Variants in RASGRF1 observed in about 807,000 individuals in gnomAD.
RASGRF1 encodes the protein ras-specific guanine nucleotide-releasing factor 1.
A neutral mutation model predicts 138.7 loss-of-function variants in RASGRF1; 40 were observed. The observed-to-expected ratio is 0.29, with a 90% CI of 0.22 to 0.38. The LOEUF is 0.38. Among genes scored for constraint, RASGRF1 ranks in the 10% least tolerant of loss-of-function variants. The probability of loss-of-function intolerance (pLI) is 1.00; values close to 1 mark genes in which losing one functional copy is unlikely to be tolerated. For synonymous variants in RASGRF1, 614 were observed against 663.2 expected (o/e 0.93, Z 1.14); for missense variants, 1,108 against 1,650.4 (o/e 0.67, Z 5.69).
At chr15:79,053,009 G>A (rs1218875325) in intron 3 of RASGRF1, among the ~76,000 whole-genome samples, 2 of 152,194 alleles carry the variant, frequency 1.3e-5, no homozygotes, top group Non-Finnish European at 2.9e-5. Flanking sequence ...GCTCACACTT[G>A]TAATCCCAGG....
At position 79,032,321 on chromosome 15, in the gene RASGRF1, A is replaced by G; in HGVS notation, c.959-5T>C. 6.2e-7 allele frequency: 1 copy of G among 1,613,708 alleles called. No homozygotes were observed. The highest frequency in any genetic ancestry group is 1.1e-5 in the South Asian group (1 of 91,008). Reference sequence around the variant, plus strand: ...GCAGGATGTCAAATAGGTCAGCTGGAAGGACGAGGCAGTCAGCGGGTGGCT... The same window carrying G: ...GCAGGATGTCAAATAGGTCAGCTGGGAGGACGAGGCAGTCAGCGGGTGGCT... On this transcript the variant is annotated splice_region_variant and splice_polypyrimidine_tract_variant and intron_variant, in intron 6 of 26. Coordinates refer to ENST00000558480, the MANE Select transcript of RASGRF1 (RefSeq NM_001145648.3). This position sits in a 1 kb window ranked among gnomAD's most constrained non-coding sequence, Gnocchi z 4.5.
chr15:78,965,369 T>A (rs1308013314), intron 26 of RASGRF1, among the ~76,000 whole-genome samples: 4 of 152,196 alleles, frequency 2.6e-5, no homozygotes, highest in Non-Finnish European at 5.9e-5. Flanking sequence ...CCCCCCTCTT[T>A]AGCCACATTA....
intron 5 of RASGRF1, among the ~76,000 whole-genome samples, chr15:79,035,828 A>G (rs540941057): frequency 5.3e-4 from 80 of 152,298 alleles, no homozygotes; most frequent in Non-Finnish European, 8.5e-4. Context: ...TGCACAGGAG[A>G]CGCTCAGAAA....
chr15:79,012,391 T>A (rs1023497444), intron 13 of RASGRF1: 1 of 897,930 alleles, frequency 1.1e-6, no homozygotes, highest in African/African-American at 1.7e-5. Flanking sequence ...ATTACACAGA[T>A]TCCATTTTAC....
chr15:79,011,267 G>A (rs1013796004), intron 13 of RASGRF1, among the ~76,000 whole-genome samples: 1 of 152,022 alleles, frequency 6.6e-6, no homozygotes, highest in African/African-American at 2.4e-5. Flanking sequence ...CATGTGGATC[G>A]CTGTATTATT....
chr15:79,035,160 C>T lies in RASGRF1; in HGVS notation c.929G>A (p.Arg310His), dbSNP rs1455233457. The change falls in exon 6 of 27, where the codon CGC becomes CAC. Residue 310 changes from arginine (R) to histidine (H), a missense_variant. Physicochemically the swap from Arg to His is conservative, Grantham distance 29. Around this residue, in one of 3 missense-constraint regions of RASGRF1, gnomAD observed 169 missense variants for 344.2 expected, o/e 0.49. Coordinates refer to ENST00000558480, the MANE Select transcript of RASGRF1 (RefSeq NM_001145648.3). ...GACCAGCGTGGGCCAGCTGGAGATGCGGGCCTTCAGGCCTTGGTAAAAGAT... is the reference window on the plus strand; with the variant it reads ...GACCAGCGTGGGCCAGCTGGAGATGTGGGCCTTCAGGCCTTGGTAAAAGAT... Reference protein sequence around the residue: ...HQIFYQGLKARISSWPTLVLA... With the variant: ...HQIFYQGLKAHISSWPTLVLA... 1.2e-6 allele frequency: 2 copies of T among 1,613,636 alleles called. No homozygotes were observed. Among genetic ancestry groups the T allele is most frequent in the Admixed American group, 1.7e-5 (1 of 59,956 alleles).
chr15:79,007,565 T>A (rs62911560), intron 13 of RASGRF1, among the ~76,000 whole-genome samples: 2 of 110,106 alleles, frequency 1.8e-5, no homozygotes, highest in African/African-American at 3.6e-5. Flanking sequence ...TTTTTTTTTT[T>A]AATGAGATAA....
chr15:79,004,571 T>C, intron 14 of RASGRF1: 1 of 947,726 alleles, frequency 1.1e-6, no homozygotes, highest in Non-Finnish European at 1.3e-6. Context: ...GCATGTTTTG[T>C]GGAATGAGGA....
Position 79,017,828 on chromosome 15 carries a change from A to G in RASGRF1, c.1685T>C (p.Val562Ala), listed in dbSNP as rs1297983227. 6.2e-6 allele frequency: 10 copies of G among 1,612,924 alleles called. No individual in the cohort carries two copies. Among genetic ancestry groups the G allele is most frequent in the Non-Finnish European group, 8.5e-6 (10 of 1,179,576 alleles). ...VEPKDSPPFTVILVASSRQEK... is the reference protein window; with the variant it reads ...VEPKDSPPFTAILVASSRQEK... ...CTGTCTGGACGAGGCCACTAGGATGACTGTAAAGGGCGGGGAATCCTTTGG... is the reference window on the plus strand; with the variant it reads ...CTGTCTGGACGAGGCCACTAGGATGGCTGTAAAGGGCGGGGAATCCTTTGG... Residue 562 changes from valine (V) to alanine (A), a missense_variant, in exon 12 of 27, where the codon GTC becomes GCC. Transcript: ENST00000558480.
At chr15:79,057,441 ACCC>A (rs2057525898) in intron 3 of RASGRF1, among the ~76,000 whole-genome samples, 1 of 152,144 alleles carries the variant, frequency 6.6e-6, no homozygotes, top group Admixed American at 6.5e-5. Flanking sequence ...CTCACATCAG[ACCC>A]TGCAAATTAG....
At position 79,019,077 on chromosome 15, in the gene RASGRF1, G is replaced by A. The variant is rs1222465597; in HGVS notation, c.1606+964C>T. Among the ~76,000 whole-genome samples the A allele has an allele frequency of 3.9e-5, 6 of 151,984 alleles. No homozygotes were observed. In the East Asian group the frequency reaches 7.7e-4, roughly 20 times the overall value. On this transcript the variant is annotated intron_variant, in intron 11 of 26. Transcript: ENST00000558480. ...GGTGTGTGCATGAGGGCGTGTGTGT[G>A]TGTGTGTTTGCCAAGCGTGTGTGTG... is the stretch of plus-strand genomic sequence containing the variant.
At chr15:79,085,825 A>C (rs28412916) in intron 1 of RASGRF1, among the ~76,000 whole-genome samples, 79,517 of 152,014 alleles carry the variant, frequency 0.52, 23,278 homozygotes, top group African/African-American at 0.8. Flanking sequence ...TCTGTGTCTG[A>C]AGGACCTACC....
rs2057078387 is a variant in RASGRF1 at position 79,027,622 on chromosome 15, ATTGGCAGGTC to A, written c.1381+109_1381+118del. 7 of 804,618 alleles carry A rather than the reference ATTGGCAGGTC, an allele frequency of 8.7e-6. No homozygotes were observed. The highest frequency in any genetic ancestry group is 6.8e-5 in the African/African-American group (4 of 58,420). The allele number at this position is 804,618 out of a possible 1,614,324, so 49.8% of individuals were successfully genotyped here. A position where few individuals can be genotyped will look rare whatever the true frequency, so the allele number is the denominator to read the frequency against. ...CAGCCTGGGAATATTCTGCAATCACATTGGCAGGTCTTGGCATGTGGCAGCCAAACCAACT... is the reference window on the plus strand; with the variant it reads ...CAGCCTGGGAATATTCTGCAATCACATTGGCATGTGGCAGCCAAACCAACT... On this transcript the variant is annotated intron_variant, in intron 9 of 26. Transcript: ENST00000558480. The surrounding 1 kb of genome is among the most constrained non-coding windows in gnomAD (Gnocchi z 4.8).
intron 1 of RASGRF1, among the ~76,000 whole-genome samples, chr15:79,068,508 T>C (rs1482417026): frequency 1.3e-5 from 2 of 149,092 alleles, no homozygotes; most frequent in Non-Finnish European, 3.0e-5. Flanking sequence ...CACACACGTA[T>C]ATTTATATGT....
intron 21 of RASGRF1, among the ~76,000 whole-genome samples, chr15:78,990,905 C>T (rs760551475): frequency 1.3e-5 from 2 of 152,178 alleles, no homozygotes; most frequent in South Asian, 2.1e-4. Context: ...TTCCAAAGTG[C>T]CGACCCTCTC....
At chr15:78,982,399 G>C (rs1325663458) in intron 23 of RASGRF1, among the ~76,000 whole-genome samples, 1 of 152,144 alleles carries the variant, frequency 6.6e-6, no homozygotes, top group Non-Finnish European at 1.5e-5. Flanking sequence ...CTGTCTCCAG[G>C]AAGGAGCTCT....
At chr15:78,963,100 C>T (rs2055578850) in intron 26 of RASGRF1, among the ~76,000 whole-genome samples, 1 of 151,968 alleles carries the variant, frequency 6.6e-6, no homozygotes, top group South Asian at 2.1e-4. Flanking sequence ...CCTGTCTTCT[C>T]CTCTCTCCCC....
chr15:79,089,082 T>C (rs529362947), intron 1 of RASGRF1, among the ~76,000 whole-genome samples: 200 of 152,342 alleles, frequency 1.3e-3, no homozygotes, highest in African/African-American at 4.5e-3. Flanking sequence ...CACCAGTCTG[T>C]GTCTTCATGC....
chr15:79,001,779 C>A lies in RASGRF1; in HGVS notation c.2458G>T (p.Val820Phe). The change falls in exon 16 of 27, where the codon GTC becomes TTC. Residue 820 changes from valine (V) to phenylalanine (F), a missense_variant. Physicochemically the swap from Val to Phe is conservative, Grantham distance 50 (BLOSUM62 -1). Coordinates refer to ENST00000558480, the MANE Select transcript of RASGRF1 (RefSeq NM_001145648.3). ...ATATCTGACTCCTCTCTCATGGAGA[C>A]TTCTGAGCCTGGGAGAAAAGAAATA... The part of the protein sequence containing the change: ...PSALSKQSSE[V>F]SMREESDIDQ... The A allele has an allele frequency of 6.8e-7, 1 of 1,479,298 alleles. No individual in the cohort carries two copies. The highest frequency in any genetic ancestry group is 2.0e-5 in the Admixed American group (1 of 49,904). The allele number at this position is 1,479,298 out of a possible 1,614,324, so 91.6% of individuals were successfully genotyped here.
Sources: allele counts gnomAD v4.1 joint callset (sites outside exome capture counted in the v4.1 genomes callset), GRCh38; gene constraint gnomAD v4.1.1; regional missense constraint gnomAD v4.1.1; non-coding constraint Gnocchi (gnomAD v3.1); transcripts MANE v1.5; gene names NCBI Gene and HGNC (gene_info 2026-07-23, HGNC 2026-07-21).